FAT3: variants seen among roughly 807,000 people sequenced by gnomAD.
FAT3 encodes protocadherin Fat 3.
Under a neutral mutation model 310.2 loss-of-function variants are expected in FAT3, and 95 were observed. The observed-to-expected ratio is 0.31, with a 90% confidence interval of 0.26 to 0.36. The LOEUF is 0.36. Among genes scored for constraint, FAT3 ranks in the 10% least tolerant of loss-of-function variants. The probability of loss-of-function intolerance (pLI) is 1.00; values close to 1 mark genes in which losing one functional copy is unlikely to be tolerated. For missense variants in FAT3, 5,408 were observed against 5,715.6 expected, an observed-to-expected ratio of 0.95 and a Z score of 1.74; for synonymous variants, 2,314 against 2,192.9, an observed-to-expected ratio of 1.06 and a Z score of -1.54.
intron 2 of FAT3, among the ~76,000 whole-genome samples, chr11:92,419,009 C>T (rs1477748352): frequency 1.3e-5 from 2 of 152,082 alleles, no homozygotes; most frequent in East Asian, 3.9e-4. Context: ...ACAGATGAAG[C>T]AAAAGAGTTT....
chr11:92,797,665 C>T (rs377530521), intron 9 of FAT3, among the ~76,000 whole-genome samples, 171 bp from the exon 10 acceptor site: 9 of 152,268 alleles, frequency 5.9e-5, no homozygotes, highest in East Asian at 5.8e-4. Context: ...GGTTCCTTTT[C>T]AGTACCCCTG....
At position 92,798,054 on chromosome 11, in the gene FAT3, A is replaced by C. The variant is rs1386184922; in HGVS notation, c.5041A>C (p.Asn1681His). ...TCACAAAGACTACCAAGCAGAAGTAAATGAAAATGTTGACATTGGAACATC... is the reference window on the plus strand; with the variant it reads ...TCACAAAGACTACCAAGCAGAAGTACATGAAAATGTTGACATTGGAACATC... ...FIHKDYQAEVNENVDIGTSVI... is the reference protein window; with the variant it reads ...FIHKDYQAEVHENVDIGTSVI... Residue 1681 changes from asparagine (N) to histidine (H), a missense_variant, in exon 10 of 28, where the codon AAT becomes CAT. Transcript: ENST00000525166. The C allele has an allele frequency of 6.2e-7, 1 of 1,613,896 alleles. No individual in the cohort carries two copies. The highest frequency in any genetic ancestry group is 2.2e-5 in the East Asian group (1 of 44,842).
intron 3 of FAT3, among the ~76,000 whole-genome samples, chr11:92,555,190 G>A (rs1480476461): frequency 1.3e-5 from 2 of 152,092 alleles, no homozygotes; most frequent in Non-Finnish European, 2.9e-5. Context: ...TTCTCTTCCT[G>A]GAATATGAGA....
intron 3 of FAT3, among the ~76,000 whole-genome samples, chr11:92,627,857 C>A (rs1165525861): frequency 4.6e-5 from 7 of 152,130 alleles, no homozygotes; most frequent in Non-Finnish European, 8.8e-5. Flanking sequence ...GAAGGGATTA[C>A]AGGAAAAGGT....
At chr11:92,397,197 G>C (rs1591225594) in intron 2 of FAT3, among the ~76,000 whole-genome samples, 1 of 151,904 alleles carries the variant, frequency 6.6e-6, no homozygotes, top group Non-Finnish European at 1.5e-5. Flanking sequence ...TTTTTGGTTT[G>C]GTCTTTATAT....
chr11:92,688,703 G>C (rs963865182), intron 3 of FAT3, among the ~76,000 whole-genome samples: 1 of 152,090 alleles, frequency 6.6e-6, no homozygotes, highest in East Asian at 1.9e-4. Context: ...ATCTAGGTCT[G>C]GGGGGAGCCT....
chr11:92,803,391 A>C (rs1036817736), intron 10 of FAT3, among the ~76,000 whole-genome samples: 21 of 152,224 alleles, frequency 1.4e-4, no homozygotes, highest in African/African-American at 5.1e-4. Context: ...GCCTCCAATT[A>C]ACAAAGGACC....
intron 1 of FAT3, among the ~76,000 whole-genome samples, chr11:92,351,342 T>C (rs1308875211): frequency 2.6e-5 from 4 of 152,172 alleles, no homozygotes; most frequent in African/African-American, 4.8e-5. Context: ...TTAAAAAGAT[T>C]ATAATTATAA....
chr11:92,507,815 A>G (rs1953166853), intron 2 of FAT3, among the ~76,000 whole-genome samples: 1 of 151,948 alleles, frequency 6.6e-6, no homozygotes, highest in South Asian at 2.1e-4. Context: ...GTGCATGTGT[A>G]TATGCCCCTT....
At chr11:92,651,737 A>G (rs1051096952) in intron 3 of FAT3, among the ~76,000 whole-genome samples, 5 of 151,924 alleles carry the variant, frequency 3.3e-5, no homozygotes, top group South Asian at 2.1e-4. Flanking sequence ...CCTCCAGTCT[A>G]TTTTCTTCCC....
chr11:92,541,927 T>G (rs932878550), intron 3 of FAT3, among the ~76,000 whole-genome samples: 3 of 152,110 alleles, frequency 2.0e-5, no homozygotes, highest in Non-Finnish European at 4.4e-5. Flanking sequence ...ACACTTTATC[T>G]ATGATAGGTT....
chr11:92,681,700 T>C (rs1252867089), intron 3 of FAT3, among the ~76,000 whole-genome samples: 1 of 152,218 alleles, frequency 6.6e-6, no homozygotes, highest in Admixed American at 6.5e-5. Flanking sequence ...AGCATGGCAT[T>C]TGAATCCCTT....
intron 4 of FAT3, among the ~76,000 whole-genome samples, chr11:92,741,955 GA>G (rs1565556788): frequency 1.3e-5 from 2 of 152,132 alleles, no homozygotes; most frequent in African/African-American, 4.8e-5. Flanking sequence ...TTAGAAGTAG[GA>G]AAACAAAACA....
intron 2 of FAT3, among the ~76,000 whole-genome samples, chr11:92,483,287 C>T (rs1298685795): frequency 6.6e-6 from 1 of 151,946 alleles, no homozygotes; most frequent in Non-Finnish European, 1.5e-5. Flanking sequence ...CTGTACTTCA[C>T]CTATCAAACA....
intron 2 of FAT3, among the ~76,000 whole-genome samples, chr11:92,438,854 TA>T (rs1951006056): frequency 6.6e-6 from 1 of 152,174 alleles, no homozygotes; most frequent in Admixed American, 6.5e-5. Flanking sequence ...TAACTGGATT[TA>T]AAAGTTATTG....
Position 92,478,051 on chromosome 11 carries a change from C to A in FAT3, c.3293-46583C>A, listed in dbSNP as rs542855739. 2.1e-4 allele frequency among the ~76,000 whole-genome samples: 32 copies of A among 152,288 alleles called. No individual in the cohort carries two copies. The South Asian group carries it at 6.4e-3, about 31-fold the overall frequency. ...CTGACGTGTCCTTGGGGAAAAGATT[C>A]CAGCATAGAGAAGTTATTTAAGACA... On this transcript the variant is annotated intron_variant, in intron 2 of 27. Coordinates refer to ENST00000525166, the MANE Select transcript of FAT3 (RefSeq NM_001367949.2).
intron 1 of FAT3, among the ~76,000 whole-genome samples, chr11:92,311,676 T>C (rs1947309101): frequency 6.6e-6 from 1 of 152,190 alleles, no homozygotes; most frequent in South Asian, 2.1e-4. Flanking sequence ...ACACTATCAG[T>C]AAAAGAGAAG....
chr11:92,393,391 ATTTGGATGTC>A (rs1949792018), intron 2 of FAT3, among the ~76,000 whole-genome samples: 2 of 152,150 alleles, frequency 1.3e-5, no homozygotes, highest in South Asian at 4.1e-4. Context: ...TTATGCCACC[ATTTGGATGTC>A]TGTGCTATGG....
chr11:92,283,570 C>T (rs1298289427), intron 1 of FAT3, among the ~76,000 whole-genome samples: 2 of 152,124 alleles, frequency 1.3e-5, no homozygotes, highest in Non-Finnish European at 2.9e-5. Flanking sequence ...GCAGCTTTTA[C>T]AGTTAATGAT....
Sources: gnomAD v4.1 joint callset for allele counts (sites outside exome capture counted in the v4.1 genomes callset) on GRCh38, gnomAD v4.1.1 for gene constraint, MANE v1.5 for transcripts, NCBI Gene and HGNC (gene_info 2026-07-23, HGNC 2026-07-21) for gene names.